The following FRMD4B variants were observed in gnomAD, a reference collection of about 807,000 sequenced individuals.
FRMD4B encodes the protein FERM domain containing 4B.
A neutral mutation model predicts 141.5 loss-of-function variants in FRMD4B; 74 were observed. That is an observed-to-expected ratio of 0.52 (90% CI 0.43 to 0.63). The LOEUF is 0.63. Among genes scored for constraint, FRMD4B ranks in the 30% least tolerant of loss-of-function variants. The pLI is 0.00. For missense variants in FRMD4B, 1,366 were observed against 1,253.4 expected (o/e 1.09, Z -1.36); for synonymous variants, 506 against 467.9 (o/e 1.08, Z -1.05).
At chr3:69,315,762 C>G (rs1353039428) in intron 1 of FRMD4B, among the ~76,000 whole-genome samples, 1 of 152,208 alleles carries the variant, frequency 6.6e-6, no homozygotes, top group Non-Finnish European at 1.5e-5. Context: ...AGCAATGTCA[C>G]CATGAACTTT....
chr3:69,432,110 G>T (rs932330940), intron 2 of FRMD4B, among the ~76,000 whole-genome samples: 2 of 152,088 alleles, frequency 1.3e-5, no homozygotes, highest in African/African-American at 4.8e-5. Context: ...AAAATAAAAC[G>T]CCAGTACTGA....
intron 2 of FRMD4B, among the ~76,000 whole-genome samples, chr3:69,429,090 C>G (rs1423422403): frequency 6.7e-6 from 1 of 150,216 alleles, no homozygotes; most frequent in Non-Finnish European, 1.5e-5. Flanking sequence ...AGAGATCTAC[C>G]CTGACACTTT....
intron 2 of FRMD4B, among the ~76,000 whole-genome samples, chr3:69,428,414 C>G (rs1211336315): frequency 6.7e-6 from 1 of 149,770 alleles, no homozygotes. Flanking sequence ...CCCAGCAGAA[C>G]TAGGAGGTAC....
intron 1 of FRMD4B, among the ~76,000 whole-genome samples, chr3:69,531,855 T>C (rs977182043): frequency 2.7e-4 from 41 of 152,346 alleles, no homozygotes; most frequent in Admixed American, 2.0e-3. Context: ...AACAATTTCT[T>C]CTTCTTAATA....
intron 1 of FRMD4B, among the ~76,000 whole-genome samples, chr3:69,434,975 T>C (rs1705238144): frequency 6.6e-6 from 1 of 152,184 alleles, no homozygotes; most frequent in Non-Finnish European, 1.5e-5. Flanking sequence ...CCTCTTTACA[T>C]GGTCTTTCCT....
chr3:69,247,928 C>A (rs1449939465), intron 7 of FRMD4B, among the ~76,000 whole-genome samples: 1 of 152,132 alleles, frequency 6.6e-6, no homozygotes, highest in African/African-American at 2.4e-5. Flanking sequence ...GGATTACAGG[C>A]GTGAGCCACC....
chr3:69,420,222 G>T (rs1704948234), intron 2 of FRMD4B, among the ~76,000 whole-genome samples: 1 of 150,940 alleles, frequency 6.6e-6, no homozygotes, highest in African/African-American at 2.4e-5. Flanking sequence ...TCTCAGAAGG[G>T]GCGTGGCTTG....
Position 69,457,775 on chromosome 3 carries a change from C to T in FRMD4B, c.-128-25014G>A, listed in dbSNP as rs147713342. Among the ~76,000 whole-genome samples the T allele has an allele frequency of 5.3e-5, 8 of 152,346 alleles. No individual in the cohort carries two copies. The East Asian group carries it at 7.7e-4, about 15-fold the overall frequency. On this transcript the variant is annotated intron_variant, in intron 1 of 5. Coordinates refer to the FRMD4B transcript ENST00000459638. ...TTTCTGGCTTAGTAGCCGACCCTTG[C>T]GCCCACAATCACATTTCCCTAATTT...
chr3:69,383,490 G>T (rs1704172017), intron 1 of FRMD4B, among the ~76,000 whole-genome samples: 3 of 152,156 alleles, frequency 2.0e-5, no homozygotes, highest in African/African-American at 7.2e-5. Context: ...TAGTTCGGGG[G>T]TACATGTGAT....
intron 1 of FRMD4B, among the ~76,000 whole-genome samples, chr3:69,503,237 T>C (rs1420850939): frequency 2.0e-5 from 3 of 152,136 alleles, no homozygotes; most frequent in Non-Finnish European, 4.4e-5. Flanking sequence ...TATGCACACC[T>C]ATGTTTATTG....
rs115467328 is a variant in FRMD4B at position 69,432,267 on chromosome 3, A to G, written c.-1+367T>C. On this transcript the variant is annotated intron_variant, in intron 2 of 5. Transcript: ENST00000459638. ...GTTCAACTGCAAATAAAAAGAAAAT[A>G]CTTTTATAAATGCGTGTATAAATAT... is the stretch of plus-strand genomic sequence containing the variant. 3.3e-3 allele frequency among the ~76,000 whole-genome samples: 504 copies of G among 152,314 alleles called. 2 individuals carry two copies. Among genetic ancestry groups the G allele is most frequent in the African/African-American group, 0.012 (488 of 41,570 alleles).
At chr3:69,347,571 C>A (rs1395975695) in intron 1 of FRMD4B, among the ~76,000 whole-genome samples, 1 of 152,170 alleles carries the variant, frequency 6.6e-6, no homozygotes, top group Non-Finnish European at 1.5e-5. Flanking sequence ...AAATTGACCA[C>A]ATAGTTGGAA....
chr3:69,301,498 T>G (rs952127491), intron 4 of FRMD4B, among the ~76,000 whole-genome samples: 2 of 151,964 alleles, frequency 1.3e-5, no homozygotes, highest in African/African-American at 2.4e-5. Context: ...CTAATTTTTT[T>G]TGTGTATTTT....
At chr3:69,322,590 CTCTCTT>C (rs1453807187) in intron 1 of FRMD4B, among the ~76,000 whole-genome samples, 96 of 134,554 alleles carry the variant, frequency 7.1e-4, no homozygotes, top group Middle Eastern at 3.8e-3. Context: ...ATTTTTCTCT[CTCTCTT>C]TTTTTTTTTT....
chr3:69,346,883 A>G (rs1054022570), intron 1 of FRMD4B, among the ~76,000 whole-genome samples: 31 of 152,334 alleles, frequency 2.0e-4, no homozygotes, highest in African/African-American at 7.5e-4. Context: ...AATCAAGCCA[A>G]ATTGTAAAGA....
intron 1 of FRMD4B, chr3:69,536,785 C>T (rs1701094355): frequency 5.4e-5 from 24 of 448,212 alleles, no homozygotes; most frequent in South Asian, 4.6e-4. Flanking sequence ...CTTGCTCTGT[C>T]GCTCAGGCTG....
intron 1 of FRMD4B, among the ~76,000 whole-genome samples, chr3:69,434,270 C>T (rs937545926): frequency 6.6e-6 from 1 of 152,198 alleles, no homozygotes; most frequent in Non-Finnish European, 1.5e-5. Context: ...CCTTCAATAG[C>T]TACTATTTGT....
chr3:69,281,288 A>G (rs1021968501), intron 5 of FRMD4B, among the ~76,000 whole-genome samples: 2 of 152,148 alleles, frequency 1.3e-5, no homozygotes, highest in African/African-American at 4.8e-5. Flanking sequence ...GAAGGTTGTA[A>G]TTAGTGTTGA....
rs114864361 is a variant in FRMD4B, at chr3:69,437,247, A to G, written c.-128-4486T>C. On this transcript the variant is annotated intron_variant, in intron 1 of 5. Coordinates refer to the FRMD4B transcript ENST00000459638. ...GCCACCATGCCCAGCTTTTTAAAAA[A>G]AATTTATAGAGATGAGGTCTCACTA... 9.2e-3 allele frequency among the ~76,000 whole-genome samples: 1,393 copies of G among 151,926 alleles called. 21 individuals are homozygous for G. Among genetic ancestry groups the G allele is most frequent in the African/African-American group, 0.032 (1,322 of 41,422 alleles).
Sources: gnomAD v4.1 joint callset for allele counts (sites outside exome capture counted in the v4.1 genomes callset) on GRCh38, gnomAD v4.1.1 for gene constraint, MANE v1.5 for transcripts, NCBI Gene and HGNC (gene_info 2026-07-23, HGNC 2026-07-21) for gene names.